Variants in NOX4 observed in about 807,000 individuals in gnomAD.
NOX4 encodes NADPH oxidase 4, also known as kidney oxidase-1.
Under a neutral mutation model 87.6 loss-of-function variants are expected in NOX4, and 69 were observed. The observed-to-expected ratio is 0.79, with a 90% CI of 0.65 to 0.96. NOX4 has a LOEUF of 0.96. Among genes scored for constraint, NOX4 ranks in the 40% least tolerant of loss-of-function variants. NOX4 has a pLI of 0.00. For missense variants in NOX4, 680 were observed against 681.5 expected, an observed-to-expected ratio of 1.00 and a Z score of 0.02; for synonymous variants, 275 against 238.2, an observed-to-expected ratio of 1.15 and a Z score of -1.42.
intron 2 of NOX4, among the ~76,000 whole-genome samples, chr11:89,473,306 A>T (rs1380421311): frequency 6.6e-6 from 1 of 152,168 alleles, no homozygotes; most frequent in East Asian, 1.9e-4. Flanking sequence ...ACATCCGATC[A>T]CAATTACTGA....
At chr11:89,577,763 T>C in the NOX4 span, 1 of 152,138 alleles carries the variant, frequency 6.6e-6, no homozygotes, top group Non-Finnish European at 1.5e-5. Flanking sequence ...TCTTTTGGAG[T>C]ACATGAGTGA....
In NOX4 at chr11:89,342,062, A is replaced by G. The variant is rs531102008; in HGVS notation, c.1337+12T>C. On this transcript the variant is annotated intron_variant, in intron 14 of 17. Coordinates refer to ENST00000263317, the MANE Select transcript of NOX4 (RefSeq NM_016931.5). ...TCTATTTGGATTAACAAAATAGATC[A>G]AAATGACATACAACAGGGTGTTGAG... The G allele has an allele frequency of 1.4e-4, 224 of 1,597,108 alleles. 4 individuals carry two copies. In the South Asian group the frequency reaches 2.5e-3, roughly 18 times the overall value.
chr11:89,410,862 G>A (rs936914313), intron 8 of NOX4, among the ~76,000 whole-genome samples: 1 of 152,178 alleles, frequency 6.6e-6, no homozygotes, highest in African/African-American at 2.4e-5. Context: ...GATGTGGGTG[G>A]CACACGCCCC....
At chr11:89,537,241 T>C in the NOX4 span, among the ~76,000 whole-genome samples, 2 of 152,188 alleles carry the variant, frequency 1.3e-5, no homozygotes, top group African/African-American at 4.8e-5. Flanking sequence ...TTTATAATGT[T>C]CTAAAATGAT....
At chr11:89,544,709 G>A in the NOX4 span, among the ~76,000 whole-genome samples, 3 of 151,958 alleles carry the variant, frequency 2.0e-5, no homozygotes, top group East Asian at 1.9e-4. Flanking sequence ...TTCCAATTTT[G>A]TAGTAAGGTC....
chr11:89,500,976 AG>A (rs1190532201), upstream of NOX4, among the ~76,000 whole-genome samples: 2 of 152,118 alleles, frequency 1.3e-5, no homozygotes, highest in Non-Finnish European at 2.9e-5. Context: ...GCAGGTAGAA[AG>A]GACCTGCAGG....
At chr11:89,416,093 T>C (rs988471983) in intron 8 of NOX4, among the ~76,000 whole-genome samples, 1 of 152,106 alleles carries the variant, frequency 6.6e-6, no homozygotes, top group Non-Finnish European at 1.5e-5. Context: ...TGCCTAGGAG[T>C]AGGTAGAATA....
chr11:89,339,704 T>TA (rs1334351809), intron 15 of NOX4, among the ~76,000 whole-genome samples: 1 of 152,146 alleles, frequency 6.6e-6, no homozygotes, highest in East Asian at 1.9e-4. Context: ...TGGAAGGTGT[T>TA]ACAGCAGGAG....
intron 6 of NOX4, among the ~76,000 whole-genome samples, chr11:89,437,207 A>G (rs1944121500): frequency 6.6e-6 from 1 of 152,102 alleles, no homozygotes; most frequent in Admixed American, 6.6e-5. Flanking sequence ...CTAAAAAAAA[A>G]ATACAAAAAA....
chr11:89,429,051 G>A (rs1943620822), intron 7 of NOX4, among the ~76,000 whole-genome samples: 1 of 152,100 alleles, frequency 6.6e-6, no homozygotes, highest in Non-Finnish European at 1.5e-5. Context: ...TCAGGATTAA[G>A]AACTCACTCA....
At chr11:89,470,909 A>G (rs1306079203) in intron 2 of NOX4, among the ~76,000 whole-genome samples, 1 of 152,164 alleles carries the variant, frequency 6.6e-6, no homozygotes, top group Non-Finnish European at 1.5e-5. Context: ...TCCACAGCTC[A>G]GACTGCTGCT....
intron 7 of NOX4, among the ~76,000 whole-genome samples, chr11:89,429,524 G>A (rs1943657238): frequency 6.6e-6 from 1 of 152,002 alleles, no homozygotes; most frequent in African/African-American, 2.4e-5. Context: ...ATGATACAGG[G>A]GATATCAACA....
chr11:89,489,924 A>G (rs1333827307), intron 2 of NOX4, among the ~76,000 whole-genome samples: 3 of 152,196 alleles, frequency 2.0e-5, no homozygotes, highest in African/African-American at 7.2e-5. Flanking sequence ...AGTTTTGCCC[A>G]GTATCTTTCT....
At chr11:89,496,532 C>T (rs150833415), upstream of NOX4, among the ~76,000 whole-genome samples, 1 of 151,294 alleles carries the variant, frequency 6.6e-6, no homozygotes, top group Non-Finnish European at 1.5e-5. Flanking sequence ...AAATTGTACA[C>T]CTTAAATATA....
chr11:89,399,182 T>C (rs1257236682), intron 11 of NOX4, among the ~76,000 whole-genome samples: 2 of 151,448 alleles, frequency 1.3e-5, no homozygotes, highest in African/African-American at 4.8e-5. Flanking sequence ...GTGTCCATTA[T>C]TTAGCTAGAT....
At chr11:89,485,429 T>C in intron 2 of NOX4, among the ~76,000 whole-genome samples, 1 of 152,008 alleles carries the variant, frequency 6.6e-6, no homozygotes, top group East Asian at 1.9e-4. Context: ...CTAAGACACA[T>C]TGAATCTGAT....
upstream of NOX4, among the ~76,000 whole-genome samples, chr11:89,502,323 G>C (rs979025055): frequency 3.9e-5 from 6 of 152,000 alleles, no homozygotes; most frequent in African/African-American, 1.4e-4. Flanking sequence ...AGGTAGGTGT[G>C]GGCATGAGAC....
chr11:89,516,609 C>T, the NOX4 span, among the ~76,000 whole-genome samples: 1 of 152,012 alleles, frequency 6.6e-6, no homozygotes, highest in African/African-American at 2.4e-5. Context: ...AGTGTAGGCT[C>T]CTATCTGATC....
intron 11 of NOX4, among the ~76,000 whole-genome samples, chr11:89,385,831 G>A (rs775846299): frequency 1.4e-4 from 22 of 152,128 alleles, no homozygotes; most frequent in Admixed American, 3.3e-4. Flanking sequence ...ATGGATAGAG[G>A]CCTTTCCCAC....
Sources: allele counts gnomAD v4.1 joint callset (sites outside exome capture counted in the v4.1 genomes callset), GRCh38; gene constraint gnomAD v4.1.1; transcripts MANE v1.5; gene names NCBI Gene and HGNC (gene_info 2026-07-23, HGNC 2026-07-21).